The following CSMD1 variants were observed in gnomAD, a reference collection of about 807,000 sequenced individuals.
CSMD1 encodes the protein CUB and Sushi multiple domains 1, also known as CUB and sushi domain-containing protein 1.
CSMD1 carries 213 observed loss-of-function variants against 417.5 expected under a neutral mutation model. The observed-to-expected ratio is 0.51, with a 90% CI of 0.46 to 0.57. The LOEUF (loss-of-function observed/expected upper bound fraction) is 0.57. Ranked by LOEUF, CSMD1 falls within the 20% of genes least tolerant of loss-of-function variation. The pLI is 0.00. For synonymous variants in CSMD1, 2,862 were observed against 1,736.8 expected (o/e 1.65, Z -16.11); for missense variants, 6,923 against 4,529.7 (o/e 1.53, Z -15.17).
intron 1 of CSMD1, among the ~76,000 whole-genome samples, chr8:4,846,151 C>T (rs538524052): frequency 6.6e-6 from 1 of 152,204 alleles, no homozygotes; most frequent in Non-Finnish European, 1.5e-5. Context: ...GTCCTGCATA[C>T]TATTGTGTAT....
intron 1 of CSMD1, among the ~76,000 whole-genome samples, chr8:4,930,795 G>C (rs752111274): frequency 9.2e-5 from 14 of 152,150 alleles, no homozygotes; most frequent in Non-Finnish European, 1.6e-4. Context: ...AGCAATTTCA[G>C]CTGTGAAATT....
intron 2 of CSMD1, among the ~76,000 whole-genome samples, chr8:4,535,030 G>A (rs942928957): frequency 6.6e-6 from 1 of 152,152 alleles, no homozygotes; most frequent in African/African-American, 2.4e-5. Flanking sequence ...CAAAGTGCTG[G>A]GATTACAGGC....
At chr8:2,984,930 C>G (rs924567682) in intron 54 of CSMD1, among the ~76,000 whole-genome samples, 15 of 152,184 alleles carry the variant, frequency 9.9e-5, no homozygotes, top group Admixed American at 2.6e-4. Context: ...TTTACATACC[C>G]AACTTAAAAA....
intron 10 of CSMD1, among the ~76,000 whole-genome samples, chr8:3,512,080 C>G (rs546483054): frequency 1.3e-5 from 2 of 152,146 alleles, no homozygotes; most frequent in Non-Finnish European, 2.9e-5. Context: ...GTTACTTTTA[C>G]TCTGTGATTT....
At chr8:4,136,993 C>G (rs1408189330) in intron 3 of CSMD1, among the ~76,000 whole-genome samples, 1 of 152,202 alleles carries the variant, frequency 6.6e-6, no homozygotes, top group East Asian at 1.9e-4. Context: ...AATGTGGGCA[C>G]AGTGAGAAAC....
intron 6 of CSMD1, among the ~76,000 whole-genome samples, chr8:3,713,316 C>G (rs1219348080): frequency 1.3e-5 from 2 of 152,142 alleles, no homozygotes; most frequent in African/African-American, 4.8e-5. Flanking sequence ...TGTGACGAAA[C>G]CATTACTATA....
chr8:3,489,612 G>A (rs971929105), intron 11 of CSMD1, among the ~76,000 whole-genome samples: 1 of 152,110 alleles, frequency 6.6e-6, no homozygotes, highest in Non-Finnish European at 1.5e-5. Flanking sequence ...CTATAAATAT[G>A]ACCCAAGTTC....
At chr8:3,170,294 G>A (rs946344761) in intron 37 of CSMD1, among the ~76,000 whole-genome samples, 4 of 152,196 alleles carry the variant, frequency 2.6e-5, no homozygotes, top group East Asian at 1.9e-4. Flanking sequence ...TGCAAGCTCC[G>A]CCTCCCGGGT....
chr8:3,216,984 C>T (rs1257827719), intron 29 of CSMD1, among the ~76,000 whole-genome samples: 1 of 152,176 alleles, frequency 6.6e-6, no homozygotes, highest in Non-Finnish European at 1.5e-5. Flanking sequence ...GCAATGGCAT[C>T]ACTGCTTGAG....
At chr8:3,633,602 A>T (rs1796887191) in intron 7 of CSMD1, among the ~76,000 whole-genome samples, 1 of 152,252 alleles carries the variant, frequency 6.6e-6, no homozygotes, top group Admixed American at 6.5e-5. Context: ...TCTTAATTTG[A>T]AAGGATAAAT....
intron 19 of CSMD1, among the ~76,000 whole-genome samples, chr8:3,368,886 T>G (rs1038320959): frequency 1.6e-4 from 25 of 152,164 alleles, no homozygotes; most frequent in African/African-American, 4.8e-4. Flanking sequence ...AGTACAAAAA[T>G]TGTCCCAGAT....
chr8:3,523,631 C>T lies in CSMD1; in HGVS notation c.1345-29905G>A, dbSNP rs569669545. Reference sequence around the variant, plus strand: ...TGTACACACACACATGCATGCACACCGAGACACGTGCACACACAGGCACAG... The same window carrying T: ...TGTACACACACACATGCATGCACACTGAGACACGTGCACACACAGGCACAG... On this transcript the variant is annotated intron_variant, in intron 10 of 69. Transcript: ENST00000635120. 1.2e-3 allele frequency among the ~76,000 whole-genome samples: 172 copies of T among 147,978 alleles called. 5 individuals carry two copies. The highest frequency in any genetic ancestry group is 0.011 in the Admixed American group (161 of 14,958).
intron 15 of CSMD1, among the ~76,000 whole-genome samples, chr8:3,404,241 A>T (rs956049011): frequency 6.6e-6 from 1 of 151,990 alleles, no homozygotes; most frequent in African/African-American, 2.4e-5. Flanking sequence ...AGGCTGAGGC[A>T]GAAGAACTGC....
chr8:4,271,042 G>T (rs1417021203), intron 3 of CSMD1, among the ~76,000 whole-genome samples: 1 of 152,194 alleles, frequency 6.6e-6, no homozygotes, highest in Non-Finnish European at 1.5e-5. Context: ...GTTAAAGAAA[G>T]ATTTCCTAGA....
intron 5 of CSMD1, among the ~76,000 whole-genome samples, chr8:3,839,475 T>C (rs1222574803): frequency 2.6e-5 from 3 of 114,588 alleles, no homozygotes; most frequent in African/African-American, 9.8e-5. Flanking sequence ...TATTATATAA[T>C]TATATTATAT....
chr8:3,673,454 G>A (rs1022678955), intron 7 of CSMD1, among the ~76,000 whole-genome samples: 2 of 152,164 alleles, frequency 1.3e-5, no homozygotes, highest in Non-Finnish European at 2.9e-5. Flanking sequence ...ATGTGGCCCT[G>A]ACTTATGACA....
At chr8:4,197,290 T>C (rs982149891) in intron 3 of CSMD1, among the ~76,000 whole-genome samples, 1 of 152,190 alleles carries the variant, frequency 6.6e-6, no homozygotes, top group Non-Finnish European at 1.5e-5. Context: ...AGGCATTAAG[T>C]ATTATGATGG....
intron 1 of CSMD1, among the ~76,000 whole-genome samples, chr8:4,727,823 G>C (rs942457259): frequency 6.7e-6 from 1 of 149,726 alleles, no homozygotes; most frequent in African/African-American, 2.4e-5. Flanking sequence ...GTATATGTTT[G>C]GGATATATAT....
chr8:4,196,952 A>G (rs1799373378), intron 3 of CSMD1, among the ~76,000 whole-genome samples: 2 of 152,124 alleles, frequency 1.3e-5, no homozygotes, highest in African/African-American at 2.4e-5. Context: ...CTTTGCTCCA[A>G]TTTTAGTCAT....
Sources: gnomAD v4.1 joint callset for allele counts (sites outside exome capture counted in the v4.1 genomes callset) on GRCh38, gnomAD v4.1.1 for gene constraint, MANE v1.5 for transcripts, NCBI Gene and HGNC (gene_info 2026-07-23, HGNC 2026-07-21) for gene names.